The following DMD variants were observed in gnomAD, a reference collection of about 807,000 sequenced individuals.
DMD encodes mutant dystrophin.
DMD carries 63 observed loss-of-function variants against 330.1 expected under a neutral mutation model. The observed-to-expected ratio is 0.19, with a 90% CI of 0.16 to 0.24. DMD has a LOEUF of 0.24. Ranked by LOEUF, DMD falls within the 10% of genes least tolerant of loss-of-function variation. The pLI, the probability that DMD is intolerant of heterozygous loss-of-function variation, is 1.00. For synonymous variants in DMD, 1,223 were observed against 959.8 expected, an observed-to-expected ratio of 1.27 and a Z score of -5.07; for missense variants, 3,344 against 2,684.1, an observed-to-expected ratio of 1.25 and a Z score of -5.43.
intron 74 of DMD, among the ~76,000 whole-genome samples, chrX:31,161,783 TC>T (rs962522981): frequency 4.6e-5 from 5 of 109,716 alleles, no homozygotes; most frequent in African/African-American, 6.7e-5. Context: ...TTCTCAATCC[TC>T]CCCCCCGTCA....
chrX:31,450,790 T>C lies in DMD; in HGVS notation c.8938-6163A>G, dbSNP rs768633777. ...CCCATGGGAATTCCCAGATCACAAA[T>C]TGTACAACAGCAGGTGCCATGATGA... On this transcript the variant is annotated intron_variant, in intron 59 of 78. Transcript: ENST00000357033. Among the ~76,000 whole-genome samples, 6 of 112,021 alleles carry C rather than the reference T, an allele frequency of 5.4e-5. No homozygotes were observed. The East Asian group carries it at 1.4e-3, about 26-fold the overall frequency.
At chrX:31,552,501 G>A (rs949400800) in intron 55 of DMD, among the ~76,000 whole-genome samples, 2 of 111,547 alleles carry the variant, frequency 1.8e-5, no homozygotes, top group African/African-American at 6.5e-5. Context: ...GGCAGACAGA[G>A]AAATGGGAGG....
intron 37 of DMD, among the ~76,000 whole-genome samples, chrX:32,358,451 T>C (rs2097815686): frequency 9.0e-6 from 1 of 111,398 alleles, no homozygotes; most frequent in Non-Finnish European, 1.9e-5. Context: ...TCTAATATTA[T>C]CTCTGATTGA....
At chrX:33,001,642 T>C (rs1214715531) in intron 2 of DMD, among the ~76,000 whole-genome samples, 1 of 111,385 alleles carries the variant, frequency 9.0e-6, no homozygotes, top group Non-Finnish European at 1.9e-5. Context: ...TAATGTTACA[T>C]AGAAAAGAAT....
At chrX:31,592,880 C>A (rs753523694) in intron 55 of DMD, among the ~76,000 whole-genome samples, 1 of 110,729 alleles carries the variant, frequency 9.0e-6, no homozygotes, top group African/African-American at 3.3e-5. Context: ...ATAAACATAT[C>A]TTTTCATTAC....
At chrX:32,641,408 G>GTCTATA in intron 11 of DMD, 1 of 90,509 alleles carries the variant, frequency 1.1e-5, no homozygotes, top group Middle Eastern at 6.8e-3. Flanking sequence ...TATTTTATAC[G>GTCTATA]TATATATATA....
intron 4 of DMD, among the ~76,000 whole-genome samples, chrX:32,837,924 T>G (rs1181814856): frequency 8.9e-6 from 1 of 111,863 alleles, no homozygotes; most frequent in East Asian, 2.8e-4. Context: ...CTATTGCTCT[T>G]CTTGCACATC....
chrX:32,392,507 G>A (rs957431211), intron 30 of DMD, among the ~76,000 whole-genome samples: 3 of 111,044 alleles, frequency 2.7e-5, no homozygotes, highest in Non-Finnish European at 3.8e-5. Flanking sequence ...TGATCCACCT[G>A]CCTCGGCTTC....
chrX:33,292,070 G>A (rs1055873869), intron 1 of DMD, among the ~76,000 whole-genome samples: 3 of 111,048 alleles, frequency 2.7e-5, no homozygotes, highest in Non-Finnish European at 5.7e-5. Flanking sequence ...TAATTACCAC[G>A]GTGGGTTTGT....
intron 51 of DMD, among the ~76,000 whole-genome samples, chrX:31,751,657 T>C (rs757452027): frequency 1.8e-5 from 2 of 112,018 alleles, no homozygotes; most frequent in East Asian, 2.8e-4. Context: ...GAGTGGACCA[T>C]GACATTGCCC....
chrX:31,809,046 C>T (rs2092377867), intron 50 of DMD, among the ~76,000 whole-genome samples: 3 of 108,401 alleles, frequency 2.8e-5, no homozygotes, highest in African/African-American at 6.7e-5. Flanking sequence ...AATGAAGGGA[C>T]ATTGGAGATT....
chrX:31,804,313 C>T (rs2092212197), intron 50 of DMD, among the ~76,000 whole-genome samples: 1 of 111,686 alleles, frequency 9.0e-6, no homozygotes, highest in African/African-American at 3.3e-5. Context: ...CATTTTATGT[C>T]CAATCAGTTA....
chrX:31,548,079 T>C (rs373759707), intron 55 of DMD, among the ~76,000 whole-genome samples: 2 of 111,995 alleles, frequency 1.8e-5, no homozygotes, highest in East Asian at 5.6e-4. Flanking sequence ...TTTTGCAAAA[T>C]CACACCGACA....
intron 7 of DMD, among the ~76,000 whole-genome samples, chrX:32,767,424 G>T (rs959849505): frequency 9.0e-6 from 1 of 111,633 alleles, no homozygotes; most frequent in South Asian, 3.7e-4. Flanking sequence ...TGACCAAAAA[G>T]CTTCATTTGT....
chrX:31,238,716 C>T (rs2047968172), intron 63 of DMD, among the ~76,000 whole-genome samples: 1 of 112,166 alleles, frequency 8.9e-6, no homozygotes, highest in Non-Finnish European at 1.9e-5. Context: ...CGCTTCTCCG[C>T]TACAGAACAA....
At chrX:31,279,091 T>C (rs1039321870) in intron 62 of DMD, among the ~76,000 whole-genome samples, 3 of 112,213 alleles carry the variant, frequency 2.7e-5, no homozygotes, top group Middle Eastern at 4.6e-3. Flanking sequence ...AATCTTTCTT[T>C]TTTCAGTATT....
At chrX:31,415,114 C>A (rs746454013) in intron 60 of DMD, among the ~76,000 whole-genome samples, 1 of 112,154 alleles carries the variant, frequency 8.9e-6, no homozygotes, top group Non-Finnish European at 1.9e-5. Flanking sequence ...ATCCAAACTT[C>A]CAAATGGAAA....
At chrX:32,542,661 T>A (rs948502182) in intron 17 of DMD, among the ~76,000 whole-genome samples, 1 of 112,188 alleles carries the variant, frequency 8.9e-6, no homozygotes, top group African/African-American at 3.2e-5. Context: ...AACGGGGCAC[T>A]AGCTAATATA....
At chrX:31,837,637 T>C (rs2149496541) in intron 48 of DMD, among the ~76,000 whole-genome samples, 1 of 111,520 alleles carries the variant, frequency 9.0e-6, no homozygotes, top group East Asian at 2.8e-4. Flanking sequence ...TGGGCAATCT[T>C]CCCCAGAGAG....
Sources: allele counts gnomAD v4.1 joint callset (sites outside exome capture counted in the v4.1 genomes callset), GRCh38; gene constraint gnomAD v4.1.1; transcripts MANE v1.5; gene names NCBI Gene and HGNC (gene_info 2026-07-23, HGNC 2026-07-21).